Variants in RALA observed in about 807,000 individuals in gnomAD.
RALA encodes the protein RAS like proto-oncogene A, also known as ras-related protein Ral-A.
RALA carries 5 observed loss-of-function variants against 24.0 expected under a neutral mutation model. The ratio of observed to expected loss-of-function variants is 0.21; its 90% CI spans 0.11 to 0.44. The LOEUF (loss-of-function observed/expected upper bound fraction) is 0.44, where lower values mean the gene tolerates loss of function less well. RALA is among the 20% of genes least tolerant of loss of function. The pLI, the probability that RALA is intolerant of heterozygous loss-of-function variation, is 0.99. For missense variants in RALA, 95 were observed against 241.2 expected (o/e 0.39, Z 4.01); for synonymous variants, 77 against 83.8 (o/e 0.92, Z 0.44).
chr7:39,654,828 G>A (rs1792070955), intron 1 of RALA, among the ~76,000 whole-genome samples: 1 of 152,112 alleles, frequency 6.6e-6, no homozygotes, highest in African/African-American at 2.4e-5. Flanking sequence ...ATGGCTCACT[G>A]CAGACTCGCT....
At chr7:39,643,284 A>G (rs1791852595) in intron 1 of RALA, among the ~76,000 whole-genome samples, 3 of 152,246 alleles carry the variant, frequency 2.0e-5, no homozygotes, top group Admixed American at 2.0e-4. Flanking sequence ...GTTATCACCC[A>G]GAACCTACTT....
At chr7:39,626,427 A>C (rs1344564560) in intron 1 of RALA, among the ~76,000 whole-genome samples, 1 of 152,252 alleles carries the variant, frequency 6.6e-6, no homozygotes, top group Non-Finnish European at 1.5e-5. Flanking sequence ...AGTTAATCCT[A>C]AATGGCTGTG....
intron 1 of RALA, among the ~76,000 whole-genome samples, chr7:39,666,090 T>C (rs1165232906): frequency 2.0e-5 from 3 of 152,206 alleles, no homozygotes; most frequent in Non-Finnish European, 4.4e-5. Flanking sequence ...ATTTGGATTT[T>C]TTAATCTCCC....
rs1583758452 is a variant in RALA, at chr7:39,697,521, A to C, written c.498+662A>C. 1.1e-5 allele frequency: 5 copies of C among 449,716 alleles called. No homozygotes were observed. In the East Asian group the frequency reaches 3.5e-4, roughly 31 times the overall value. The allele number at this position is 449,716 out of a possible 1,614,324, so 27.9% of individuals were successfully genotyped here. ...GCTCACTGGGCTGAGGTAGCACAGAATCTTAAAGGCCTCCAAGTGGGGTCT... is the reference window on the plus strand; with the variant it reads ...GCTCACTGGGCTGAGGTAGCACAGACTCTTAAAGGCCTCCAAGTGGGGTCT... On this transcript the variant is annotated intron_variant, in intron 4 of 4. Transcript: ENST00000005257.
chr7:39,645,436 A>G (rs1282704648), intron 1 of RALA, among the ~76,000 whole-genome samples: 1 of 152,226 alleles, frequency 6.6e-6, no homozygotes, highest in African/African-American at 2.4e-5. Flanking sequence ...CACATTGACA[A>G]TTATGGCCTC....
chr7:39,691,910 TA>T (rs1239298463), intron 3 of RALA, among the ~76,000 whole-genome samples: 1 of 152,208 alleles, frequency 6.6e-6, no homozygotes, highest in Admixed American at 6.5e-5. Context: ...AGTAATGGAA[TA>T]AATGTTATCA....
At chr7:39,690,264 A>G (rs1792792015) in intron 2 of RALA, 118 bp from the exon 3 acceptor site, 3 of 773,150 alleles carry the variant, frequency 3.9e-6, no homozygotes, top group Non-Finnish European at 5.9e-6. Flanking sequence ...AATCTGGGCA[A>G]AGGGTATACA....
In RALA at chr7:39,657,085, G is replaced by C. The variant is rs1483928289; in HGVS notation, c.-37-29546G>C. ...CGGGTTTAAGCGATTCTCCCGTTCA[G>C]TCTCCCGGGTAGCTGGGATTACAGG... On this transcript the variant is annotated intron_variant, in intron 1 of 4. Coordinates refer to ENST00000005257, the MANE Select transcript of RALA (RefSeq NM_005402.4). 2.6e-5 allele frequency among the ~76,000 whole-genome samples: 4 copies of C among 152,172 alleles called. No homozygotes were observed. The East Asian group carries it at 7.7e-4, about 29-fold the overall frequency.
chr7:39,634,837 C>G (rs1211388491), intron 1 of RALA, among the ~76,000 whole-genome samples: 1 of 151,992 alleles, frequency 6.6e-6, no homozygotes, highest in Non-Finnish European at 1.5e-5. Flanking sequence ...TGTTTTGATC[C>G]AGTTCATAAA....
chr7:39,653,021 C>CTATTAT (rs1006254101), intron 1 of RALA, among the ~76,000 whole-genome samples: 27 of 147,666 alleles, frequency 1.8e-4, no homozygotes, highest in Admixed American at 5.4e-4. Context: ...TGGTCTCAAA[C>CTATTAT]TATTATTATT....
At chr7:39,681,946 G>A (rs1317733384) in intron 1 of RALA, among the ~76,000 whole-genome samples, 2 of 151,996 alleles carry the variant, frequency 1.3e-5, no homozygotes, top group Non-Finnish European at 2.9e-5. Flanking sequence ...CAGATATTTG[G>A]GACAAAAACT....
intron 1 of RALA, among the ~76,000 whole-genome samples, chr7:39,634,856 CTTTGT>C (rs1052143664): frequency 1.3e-5 from 2 of 152,006 alleles, no homozygotes; most frequent in African/African-American, 4.8e-5. Flanking sequence ...AAATCCATTT[CTTTGT>C]TTTGTTAAAG....
At position 39,623,714 on chromosome 7, in the gene RALA, AC is replaced by A; in HGVS notation, c.-147del. ...CGCCACCCGTCAGACTCCTCCTTCG[AC>A]CGCTCCCGGCGCGGGGCCTTCCAGG... On this transcript the variant is annotated 5_prime_UTR_variant, in exon 1 of 5. Transcript: ENST00000005257. This position sits in a 1 kb window ranked among gnomAD's most constrained non-coding sequence, Gnocchi z 4.9. 1.3e-5 allele frequency: 2 copies of A among 153,274 alleles called. No homozygotes were observed. Among genetic ancestry groups the A allele is most frequent in the East Asian group, 3.9e-4 (2 of 5,130 alleles). The allele number at this position is 153,274 out of a possible 1,614,324, so 9.5% of individuals were successfully genotyped here. A position where few individuals can be genotyped will look rare whatever the true frequency, so the allele number is the denominator to read the frequency against.
At chr7:39,700,498 T>C (rs546495797) in intron 4 of RALA, 16 of 152,060 alleles carry the variant, frequency 1.1e-4, no homozygotes, top group African/African-American at 3.9e-4. Context: ...GTGGGCAGAG[T>C]CTCCAAGGGC....
At chr7:39,696,958 G>C in intron 4 of RALA, 99 bp downstream of exon 4, 1 of 1,162,782 alleles carries the variant, frequency 8.6e-7, no homozygotes, top group Non-Finnish European at 1.2e-6. Context: ...CTTTCAAATA[G>C]AGGTTTAATC....
intron 1 of RALA, among the ~76,000 whole-genome samples, chr7:39,641,740 A>T (rs1318787069): frequency 6.6e-6 from 1 of 151,936 alleles, no homozygotes. Context: ...TATGATGTGG[A>T]TGGTGATGGT....
chr7:39,681,849 T>C (rs1346875299), intron 1 of RALA, among the ~76,000 whole-genome samples: 1 of 152,190 alleles, frequency 6.6e-6, no homozygotes, highest in Non-Finnish European at 1.5e-5. Context: ...AGTTGAAATG[T>C]CTAATGTGCA....
chr7:39,667,377 AT>A (rs1792302906), intron 1 of RALA, among the ~76,000 whole-genome samples: 1 of 152,238 alleles, frequency 6.6e-6, no homozygotes, highest in Admixed American at 6.5e-5. Context: ...ACAGACAGAA[AT>A]TTGTAATTCT....
intron 1 of RALA, among the ~76,000 whole-genome samples, chr7:39,650,867 C>G (rs1165658593): frequency 6.6e-6 from 1 of 152,128 alleles, no homozygotes; most frequent in East Asian, 1.9e-4. Context: ...GAGTCGGCTT[C>G]GTATCTTATT....
Sources: gnomAD v4.1 joint callset for allele counts (sites outside exome capture counted in the v4.1 genomes callset) on GRCh38, gnomAD v4.1.1 for gene constraint, Gnocchi (gnomAD v3.1) non-coding constraint, MANE v1.5 for transcripts, NCBI Gene and HGNC (gene_info 2026-07-23, HGNC 2026-07-21) for gene names.